Variants in NLN observed in about 807,000 individuals in gnomAD.
NLN encodes the protein neurolysin, mitochondrial.
NLN carries 64 observed loss-of-function variants against 79.9 expected under a neutral mutation model. That is an observed-to-expected ratio of 0.80 (90% CI 0.65 to 0.99). The LOEUF (loss-of-function observed/expected upper bound fraction) is 0.99. Among genes scored for constraint, NLN ranks in the 50% least tolerant of loss-of-function variants. The probability of loss-of-function intolerance (pLI) is 0.00; values close to 1 mark genes in which losing one functional copy is unlikely to be tolerated. For missense variants in NLN, 835 were observed against 858.7 expected, an observed-to-expected ratio of 0.97 and a Z score of 0.34; for synonymous variants, 267 against 296.6, an observed-to-expected ratio of 0.90 and a Z score of 1.02.
rs369227736 is a variant in NLN at position 65,792,369 on chromosome 5, G to A, written c.1326-85G>A. The A allele has an allele frequency of 1.6e-5, 13 of 793,860 alleles. No individual in the cohort carries two copies. The East Asian group carries it at 2.7e-4, about 16-fold the overall frequency. 49.2% of individuals were successfully genotyped at this position (793,860 alleles called of 1,614,324 possible). ...TAAAGGCATCTCTGGTAACAGATAT[G>A]GCTTAATGACTGGAAGAGGCCATGC... On this transcript the variant is annotated intron_variant, in intron 8 of 12. Coordinates refer to ENST00000380985, the MANE Select transcript of NLN (RefSeq NM_020726.5).
intron 1 of NLN, among the ~76,000 whole-genome samples, chr5:65,755,383 G>C (rs1303800125): frequency 6.6e-6 from 1 of 152,070 alleles, no homozygotes; most frequent in African/African-American, 2.4e-5. Flanking sequence ...CATCATCTTT[G>C]ATTTCCAGTT....
At chr5:65,811,168 G>A (rs1760537357) in intron 11 of NLN, among the ~76,000 whole-genome samples, 1 of 152,092 alleles carries the variant, frequency 6.6e-6, no homozygotes, top group Admixed American at 6.5e-5. Flanking sequence ...AGTTGGTAAG[G>A]TGGATTTTTT....
chr5:65,730,190 AAAGT>A (rs1758575214), intron 1 of NLN, among the ~76,000 whole-genome samples: 1 of 152,276 alleles, frequency 6.6e-6, no homozygotes, highest in Non-Finnish European at 1.5e-5. Context: ...AGGAAAATAT[AAAGT>A]AAGTTAGATG....
intron 1 of NLN, among the ~76,000 whole-genome samples, chr5:65,730,587 C>T (rs1410387536): frequency 6.7e-6 from 1 of 149,882 alleles, no homozygotes. Flanking sequence ...GATGGAGTCT[C>T]ACTCTATTGC....
chr5:65,783,620 G>T (rs1335361676), intron 6 of NLN, among the ~76,000 whole-genome samples: 1 of 151,744 alleles, frequency 6.6e-6, no homozygotes, highest in African/African-American at 2.4e-5. Context: ...AACGCTTTGG[G>T]AGGCCAAGGC....
chr5:65,805,779 T>C (rs1022032704), intron 9 of NLN, among the ~76,000 whole-genome samples: 2 of 152,258 alleles, frequency 1.3e-5, no homozygotes, highest in African/African-American at 4.8e-5. Context: ...TCCATGTAGA[T>C]GAAATAGCCT....
chr5:65,748,288 A>C (rs1299229671), intron 1 of NLN, among the ~76,000 whole-genome samples: 1 of 152,166 alleles, frequency 6.6e-6, no homozygotes, highest in African/African-American at 2.4e-5. Context: ...AGAGGGATTA[A>C]AGGACTGGAG....
chr5:65,782,549 C>G (rs1759823494), intron 6 of NLN, among the ~76,000 whole-genome samples: 1 of 152,132 alleles, frequency 6.6e-6, no homozygotes, highest in Non-Finnish European at 1.5e-5. Flanking sequence ...GCTTTCAGGC[C>G]CTCTGAACAT....
At chr5:65,748,214 A>G (rs1165519354) in intron 1 of NLN, among the ~76,000 whole-genome samples, 4 of 151,956 alleles carry the variant, frequency 2.6e-5, no homozygotes, top group Non-Finnish European at 1.5e-5. Flanking sequence ...AACAAAAACA[A>G]AGTACAGCAG....
At chr5:65,770,303 G>T (rs959717159) in intron 3 of NLN, among the ~76,000 whole-genome samples, 3 of 152,130 alleles carry the variant, frequency 2.0e-5, no homozygotes, top group Non-Finnish European at 4.4e-5. Flanking sequence ...TGCATTCTAG[G>T]ATATATAAAG....
chr5:65,786,933 A>G (rs377722928), intron 7 of NLN, among the ~76,000 whole-genome samples: 26 of 152,338 alleles, frequency 1.7e-4, no homozygotes, highest in African/African-American at 6.3e-4. Flanking sequence ...ACTAGAAACA[A>G]CAGAAGTGTG....
intron 2 of NLN, among the ~76,000 whole-genome samples, chr5:65,760,194 G>T (rs1208581224): frequency 6.6e-6 from 1 of 152,102 alleles, no homozygotes; most frequent in East Asian, 1.9e-4. Context: ...CTGTAAAAAG[G>T]ACTTGGCTAT....
chr5:65,821,416 A>G (rs1000543137), intron 12 of NLN, among the ~76,000 whole-genome samples: 1 of 152,230 alleles, frequency 6.6e-6, no homozygotes, highest in African/African-American at 2.4e-5. Context: ...TACCATAAGT[A>G]TAAAAAACAC....
At chr5:65,754,275 T>C (rs1483607316) in intron 1 of NLN, among the ~76,000 whole-genome samples, 1 of 152,134 alleles carries the variant, frequency 6.6e-6, no homozygotes, top group Non-Finnish European at 1.5e-5. Context: ...TTATCGTAAA[T>C]CAGATTCTGC....
intron 1 of NLN, among the ~76,000 whole-genome samples, chr5:65,732,039 C>T (rs1758622746): frequency 6.6e-6 from 1 of 152,170 alleles, no homozygotes; most frequent in East Asian, 1.9e-4. Flanking sequence ...GCATGAGCCA[C>T]CACACCCAGC....
chr5:65,824,105 A>T lies in NLN; in HGVS notation c.*1190A>T, dbSNP rs960030627. 1 of 152,084 alleles carries T rather than the reference A, an allele frequency of 6.6e-6. No homozygotes were observed. The highest frequency in any genetic ancestry group is 1.5e-5 in the Non-Finnish European group (1 of 67,998). The allele number at this position is 152,084 out of a possible 1,614,324, so 9.4% of individuals were successfully genotyped here. A position where few individuals can be genotyped will look rare whatever the true frequency, so the allele number is the denominator to read the frequency against. On this transcript the variant is annotated 3_prime_UTR_variant, in exon 13 of 13. Transcript: ENST00000380985. ...AACTCACAGTATTTTTCCTGTGGAA[A>T]TCTATTCAATAAGGAAACCAAGACA...
rs1352009213 is a variant in NLN at position 65,758,735 on chromosome 5, G to C, written c.210G>C (p.Gln70His). 6.2e-7 allele frequency: 1 copy of C among 1,613,410 alleles called. No individual in the cohort carries two copies. The highest frequency in any genetic ancestry group is 2.2e-5 in the East Asian group (1 of 44,870). Residue 70 changes from glutamine (Q) to histidine (H), a missense_variant, in exon 2 of 13, where the codon CAG becomes CAC. By Grantham distance (24) the Gln-to-His change is conservative. Coordinates refer to ENST00000380985, the MANE Select transcript of NLN (RefSeq NM_020726.5). ...RTEELIVQTK[Q>H]VYDAVGMLGI... ...AGGAGCTCATTGTGCAGACCAAACA[G>C]GTGTACGATGCTGTTGGAATGCTCG...
intron 9 of NLN, among the ~76,000 whole-genome samples, chr5:65,797,756 A>G (rs1262993181): frequency 6.6e-6 from 1 of 152,228 alleles, no homozygotes; most frequent in Non-Finnish European, 1.5e-5. Flanking sequence ...ATCAATATAC[A>G]ACTCAAAACT....
intron 1 of NLN, among the ~76,000 whole-genome samples, chr5:65,738,058 G>T (rs1462416726): frequency 1.3e-5 from 2 of 151,790 alleles, no homozygotes; most frequent in Non-Finnish European, 2.9e-5. Context: ...CACCTCGGGA[G>T]GCGGAGGTTG....
Sources: gnomAD v4.1 joint callset for allele counts (sites outside exome capture counted in the v4.1 genomes callset) on GRCh38, gnomAD v4.1.1 for gene constraint, MANE v1.5 for transcripts, NCBI Gene and HGNC (gene_info 2026-07-23, HGNC 2026-07-21) for gene names.